RBFOX1: variants seen among roughly 807,000 people sequenced by gnomAD.
The protein encoded by RBFOX1 is RNA binding fox-1 homolog 1.
Under a neutral mutation model 57.7 loss-of-function variants are expected in RBFOX1, and 8 were observed. The ratio of observed to expected loss-of-function variants is 0.14; its 90% CI spans 0.08 to 0.25. The LOEUF is 0.25. Ranked by LOEUF, RBFOX1 falls within the 10% of genes least tolerant of loss-of-function variation. The probability of loss-of-function intolerance (pLI) is 1.00; values close to 1 mark genes in which losing one functional copy is unlikely to be tolerated. For synonymous variants in RBFOX1, 326 were observed against 222.4 expected, an observed-to-expected ratio of 1.47 and a Z score of -4.15; for missense variants, 611 against 548.5, an observed-to-expected ratio of 1.11 and a Z score of -1.14.
chr16:7,096,072 T>A lies in RBFOX1; in HGVS notation c.27+43974T>A, dbSNP rs2061647421. Among the ~76,000 whole-genome samples, 4 of 150,224 alleles carry A rather than the reference T, an allele frequency of 2.7e-5. No individual in the cohort carries two copies. In the South Asian group the frequency reaches 8.5e-4, roughly 32 times the overall value. ...TAAAACATGGAGAGCATCTAATGCA[T>A]GAGATATTGTGTGTGCTAAGTTCTG... is the stretch of plus-strand genomic sequence containing the variant. On this transcript the variant is annotated intron_variant, in intron 4 of 15. Transcript: ENST00000550418.
chr16:7,159,204 C>G (rs554939868), intron 4 of RBFOX1, among the ~76,000 whole-genome samples: 3 of 152,232 alleles, frequency 2.0e-5, no homozygotes, highest in East Asian at 1.9e-4. Flanking sequence ...AGTTGATTGT[C>G]TTAGATTGCT....
At chr16:6,997,375 A>C (rs1293048628) in intron 3 of RBFOX1, among the ~76,000 whole-genome samples, 2 of 152,184 alleles carry the variant, frequency 1.3e-5, no homozygotes, top group African/African-American at 2.4e-5. Flanking sequence ...ACAATTGTCA[A>C]CCTATGTTGA....
At chr16:7,237,440 C>T (rs2093824353) in intron 4 of RBFOX1, among the ~76,000 whole-genome samples, 1 of 152,204 alleles carries the variant, frequency 6.6e-6, no homozygotes, top group African/African-American at 2.4e-5. Flanking sequence ...CCAGGCACTG[C>T]TCTAAAGGCT....
chr16:6,549,962 C>T (rs758673150), intron 2 of RBFOX1, among the ~76,000 whole-genome samples: 1 of 152,120 alleles, frequency 6.6e-6, no homozygotes, highest in Admixed American at 6.5e-5. Context: ...GCTGGCTTTG[C>T]TTTTACAGTG....
At chr16:6,032,758 G>A (rs922362580) in intron 1 of RBFOX1, among the ~76,000 whole-genome samples, 6 of 152,024 alleles carry the variant, frequency 3.9e-5, no homozygotes, top group East Asian at 3.8e-4. Flanking sequence ...ATGAGGCAAC[G>A]TTTTTTAGGT....
At chr16:7,361,706 G>A (rs924114151) in intron 4 of RBFOX1, among the ~76,000 whole-genome samples, 1 of 152,204 alleles carries the variant, frequency 6.6e-6, no homozygotes, top group African/African-American at 2.4e-5. Flanking sequence ...ATGAGAATTC[G>A]AAGATGCTTG....
At chr16:7,029,201 TACG>T (rs2042085062) in intron 3 of RBFOX1, among the ~76,000 whole-genome samples, 1 of 50,410 alleles carries the variant, frequency 2.0e-5, no homozygotes, top group Non-Finnish European at 4.2e-5. Flanking sequence ...CACATATGTA[TACG>T]TATACGTATA....
At chr16:5,683,214 G>A (rs2050398542) in intron 3 of RBFOX1, among the ~76,000 whole-genome samples, 1 of 152,138 alleles carries the variant, frequency 6.6e-6, no homozygotes, top group Non-Finnish European at 1.5e-5. Context: ...ATGCAAAGCT[G>A]TGGCACTTGG....
rs34625153 is a variant in RBFOX1 at position 7,315,456 on chromosome 16, A to ACC, written c.28-202681_28-202680dup. ...AATGATTAAAGCCCTACTCTACCCT[A>ACC]CCCCCCCCCCCATACTGGGGGCTTG... On this transcript the variant is annotated intron_variant, in intron 4 of 15. Transcript: ENST00000550418. Among the ~76,000 whole-genome samples, 1,139 of 123,780 alleles carry ACC rather than the reference A, an allele frequency of 9.2e-3. 22 individuals carry two copies. The highest frequency in any genetic ancestry group is 0.026 in the African/African-American group (993 of 37,608). 81.2% of individuals were successfully genotyped at this position (123,780 alleles called of 152,430 possible). A position where few individuals can be genotyped will look rare whatever the true frequency, so the allele number is the denominator to read the frequency against.
chr16:6,960,490 G>A (rs974815233), intron 3 of RBFOX1, among the ~76,000 whole-genome samples: 5 of 152,110 alleles, frequency 3.3e-5, no homozygotes, highest in African/African-American at 7.2e-5. Context: ...TGGGCCACGA[G>A]AATAAGCAGC....
chr16:6,278,792 A>G (rs932794332), intron 1 of RBFOX1, among the ~76,000 whole-genome samples: 1 of 152,184 alleles, frequency 6.6e-6, no homozygotes, highest in African/African-American at 2.4e-5. Context: ...GAAATAAAAT[A>G]GAAACTCGAT....
chr16:7,478,361 G>GA (rs1262273260), intron 4 of RBFOX1, among the ~76,000 whole-genome samples: 3 of 152,252 alleles, frequency 2.0e-5, no homozygotes, highest in Admixed American at 1.3e-4. Flanking sequence ...TGGCCCAAGG[G>GA]AAAAAAATAC....
chr16:7,339,990 C>T (rs987974608), intron 4 of RBFOX1, among the ~76,000 whole-genome samples: 6 of 151,618 alleles, frequency 4.0e-5, no homozygotes, highest in Non-Finnish European at 8.8e-5. Flanking sequence ...ATCTCATCTC[C>T]TTTTAGAAAT....
At chr16:5,934,072 A>G (rs573475872) in intron 4 of RBFOX1, among the ~76,000 whole-genome samples, 3 of 152,336 alleles carry the variant, frequency 2.0e-5, no homozygotes, top group South Asian at 2.1e-4. Context: ...TTAGTTCACT[A>G]AGGATAATGG....
intron 1 of RBFOX1, chr16:6,056,971 C>G (rs2095622341): frequency 6.6e-6 from 1 of 151,616 alleles, no homozygotes; most frequent in African/African-American, 2.4e-5. Context: ...TACCTTTCCT[C>G]TAGAGTGAAA....
intron 4 of RBFOX1, among the ~76,000 whole-genome samples, chr16:7,456,989 C>G (rs571582414): frequency 6.6e-6 from 1 of 152,176 alleles, no homozygotes; most frequent in Admixed American, 6.5e-5. Flanking sequence ...CTCCTGGATC[C>G]AAGCAATTCT....
chr16:6,019,070 C>A lies in RBFOX1; in HGVS notation c.-1049C>A. 1 of 981,910 alleles carries A rather than the reference C, an allele frequency of 1.0e-6. No homozygotes were observed. Among genetic ancestry groups the A allele is most frequent in the South Asian group, 4.7e-5 (1 of 21,098 alleles). 60.8% of individuals were successfully genotyped at this position (981,910 alleles called of 1,614,324 possible). A position where few individuals can be genotyped will look rare whatever the true frequency, so the allele number is the denominator to read the frequency against. ...CCGGGGCTGCTCGCTGCTTGTCGCG[C>A]GCTCACACACACACAGACACACACG... On this transcript the variant is annotated 5_prime_UTR_variant, in exon 1 of 16. Coordinates refer to ENST00000550418, the MANE Select transcript of RBFOX1 (RefSeq NM_018723.4). The surrounding 1 kb of genome is among the most constrained non-coding windows in gnomAD (Gnocchi z 4.2).
chr16:7,076,738 C>A (rs930986490), intron 4 of RBFOX1, among the ~76,000 whole-genome samples: 1 of 152,160 alleles, frequency 6.6e-6, no homozygotes, highest in Non-Finnish European at 1.5e-5. Flanking sequence ...TCACTCGTAA[C>A]AGTGTATGCA....
chr16:6,038,920 T>G (rs1313497211), intron 1 of RBFOX1: 1 of 149,632 alleles, frequency 6.7e-6, no homozygotes, highest in Non-Finnish European at 1.5e-5. Context: ...CATCCTGGAT[T>G]TTCTGTGCAT....
Sources: gnomAD v4.1 joint callset for allele counts (sites outside exome capture counted in the v4.1 genomes callset) on GRCh38, gnomAD v4.1.1 for gene constraint, Gnocchi (gnomAD v3.1) non-coding constraint, MANE v1.5 for transcripts, NCBI Gene and HGNC (gene_info 2026-07-23, HGNC 2026-07-21) for gene names.